Variants in DNM3 observed in about 807,000 individuals in gnomAD.
The protein encoded by DNM3 is dynamin-3.
A neutral mutation model predicts 101.6 loss-of-function variants in DNM3; 47 were observed. The ratio of observed to expected loss-of-function variants is 0.46; its 90% CI spans 0.37 to 0.59. The LOEUF is 0.59. Ranked by LOEUF, DNM3 falls within the 20% of genes least tolerant of loss-of-function variation. The pLI is 0.00. For missense variants in DNM3, 849 were observed against 1,085.7 expected (o/e 0.78, Z 3.06); for synonymous variants, 385 against 387.9 (o/e 0.99, Z 0.09).
chr1:172,185,972 T>C (rs1044710492), intron 14 of DNM3, among the ~76,000 whole-genome samples: 2 of 152,118 alleles, frequency 1.3e-5, no homozygotes, highest in African/African-American at 4.8e-5. Flanking sequence ...TTTTACATTG[T>C]TTTATAATTG....
intron 13 of DNM3, among the ~76,000 whole-genome samples, chr1:172,117,386 T>C (rs1447436326): frequency 6.6e-6 from 1 of 152,106 alleles, no homozygotes. Context: ...TTCCCACGTG[T>C]GGTGGGAGGG....
chr1:172,115,924 C>G lies in DNM3; in HGVS notation c.1546-15251C>G, dbSNP rs550304322. Among the ~76,000 whole-genome samples the G allele has an allele frequency of 9.9e-5, 15 of 152,210 alleles. No homozygotes were observed. The South Asian group carries it at 3.1e-3, about 32-fold the overall frequency. On this transcript the variant is annotated intron_variant, in intron 13 of 20. Transcript: ENST00000627582. ...CTATTGCTGAACTCTAACCACAACTCTACCCCAACTGGAGAATATAGGTTC... is the reference window on the plus strand; with the variant it reads ...CTATTGCTGAACTCTAACCACAACTGTACCCCAACTGGAGAATATAGGTTC...
chr1:172,375,901 A>T (rs2068573467), intron 17 of DNM3, among the ~76,000 whole-genome samples: 1 of 150,986 alleles, frequency 6.6e-6, no homozygotes, highest in East Asian at 2.0e-4. Flanking sequence ...GCTATATGGG[A>T]GGATCCCTTG....
At chr1:172,168,827 G>T (rs1033830177) in intron 14 of DNM3, among the ~76,000 whole-genome samples, 4 of 151,854 alleles carry the variant, frequency 2.6e-5, no homozygotes, top group East Asian at 1.9e-4. Flanking sequence ...TTAAAATTAG[G>T]CATAGATTAT....
intron 13 of DNM3, among the ~76,000 whole-genome samples, chr1:172,129,163 G>T (rs1366393413): frequency 1.3e-5 from 2 of 152,158 alleles, no homozygotes; most frequent in African/African-American, 2.4e-5. Flanking sequence ...GGTAGGGTGG[G>T]TAATGGTCTT....
intron 11 of DNM3, among the ~76,000 whole-genome samples, chr1:172,074,678 G>T (rs1009094285): frequency 1.3e-5 from 2 of 152,152 alleles, no homozygotes; most frequent in African/African-American, 4.8e-5. Flanking sequence ...AGTATTCCAT[G>T]GTGTATATGA....
At chr1:172,079,556 G>T (rs943179339) in intron 11 of DNM3, among the ~76,000 whole-genome samples, 1 of 151,972 alleles carries the variant, frequency 6.6e-6, no homozygotes, top group African/African-American at 2.4e-5. Flanking sequence ...CCTTGCATTG[G>T]GTTAGAACAT....
intron 20 of DNM3, 107 bp downstream of exon 20, chr1:172,388,916 C>T (rs889763290): frequency 2.5e-5 from 25 of 986,030 alleles, no homozygotes; most frequent in Middle Eastern, 2.6e-4. Flanking sequence ...TCTTATCGTA[C>T]GTGTTTGCAG....
At chr1:172,216,001 A>C (rs2060684179) in intron 14 of DNM3, among the ~76,000 whole-genome samples, 2 of 143,634 alleles carry the variant, frequency 1.4e-5, no homozygotes, top group Non-Finnish European at 3.0e-5. Flanking sequence ...ATAATAATAA[A>C]ATTAAAAAAA....
chr1:172,309,048 A>G, intron 16 of DNM3: 1 of 433,574 alleles, frequency 2.3e-6, no homozygotes, highest in Non-Finnish European at 4.0e-6. Flanking sequence ...TAAACAATAT[A>G]TTTGTTAAAG....
At chr1:172,332,710 A>C (rs1273005106) in intron 17 of DNM3, among the ~76,000 whole-genome samples, 1 of 152,178 alleles carries the variant, frequency 6.6e-6, no homozygotes, top group East Asian at 1.9e-4. Flanking sequence ...AGAATCACAC[A>C]CTGGCTATTA....
At chr1:172,137,057 C>T (rs2819531) in intron 14 of DNM3, 8,372 of 152,102 alleles carry the variant, frequency 0.055, 289 homozygotes, top group East Asian at 0.12. Context: ...GTCTGAAGGA[C>T]GGGTGTAGTC....
intron 2 of DNM3, among the ~76,000 whole-genome samples, chr1:171,936,331 A>G (rs1023985482): frequency 1.3e-5 from 2 of 149,642 alleles, no homozygotes; most frequent in Non-Finnish European, 3.0e-5. Context: ...AGCCTAGGTG[A>G]CAGAGTGAGA....
intron 14 of DNM3, among the ~76,000 whole-genome samples, chr1:172,205,639 T>A (rs890010062): frequency 3.9e-5 from 6 of 152,148 alleles, no homozygotes; most frequent in African/African-American, 1.4e-4. Context: ...CTTTAATGTC[T>A]GAATTAACAG....
In DNM3 at chr1:172,067,718, G is replaced by A. The variant is rs183307145; in HGVS notation, c.1336-1101G>A. Among the ~76,000 whole-genome samples the A allele has an allele frequency of 3.2e-3, 486 of 152,140 alleles. 1 individual carries two copies. Among genetic ancestry groups the A allele is most frequent in the Middle Eastern group, 0.01 (3 of 294 alleles). The stretch of plus-strand genomic sequence containing the variant: ...TTATATTGAAAACAACTGAATTAAG[G>A]TATTCACTTTTGCAAACTATGTTTT... On this transcript the variant is annotated intron_variant, in intron 10 of 20. Coordinates refer to ENST00000627582, the MANE Select transcript of DNM3 (RefSeq NM_015569.5).
intron 13 of DNM3, among the ~76,000 whole-genome samples, chr1:172,096,386 A>T (rs563903506): frequency 2.6e-5 from 4 of 152,320 alleles, no homozygotes; most frequent in African/African-American, 9.6e-5. Flanking sequence ...CAAGACTGGA[A>T]AAAGGAGATT....
At chr1:172,048,808 T>A in intron 10 of DNM3, 58 bp downstream of exon 10, 1 of 1,564,482 alleles carries the variant, frequency 6.4e-7, no homozygotes, top group Non-Finnish European at 8.7e-7. Context: ...ACATTCCCTA[T>A]CTCATTGCAT....
Position 172,388,620 on chromosome 1 carries a change from C to T in DNM3, c.2333C>T (p.Ala778Val), listed in dbSNP as rs1308077063. 6.2e-6 allele frequency: 10 copies of T among 1,613,936 alleles called. No homozygotes were observed. The highest frequency in any genetic ancestry group is 7.6e-6 in the Non-Finnish European group (9 of 1,179,904). The part of the protein sequence containing the change: ...PTTQRRPTLS[A>V]PLARPTSGRG... The stretch of plus-strand genomic sequence containing the variant: ...ACCCAAAGGAGGCCAACACTAAGTG[C>T]TCCCCTCGCAAGGCCCACATCCGGC... The change falls in exon 20 of 21, where the codon GCT becomes GTT. Residue 778 changes from alanine (A) to valine (V), a missense_variant. Ala to Val is a moderately conservative substitution (Grantham distance 64). Around this residue, in one of 5 missense-constraint regions of DNM3, gnomAD observed 256 missense variants for 311.7 expected, o/e 0.82. Coordinates refer to ENST00000627582, the MANE Select transcript of DNM3 (RefSeq NM_015569.5).
chr1:172,354,112 T>TGTGAGAGAGAGA (rs138540712), intron 17 of DNM3, among the ~76,000 whole-genome samples: 1,675 of 94,928 alleles, frequency 0.018, 36 homozygotes, highest in East Asian at 0.039. Flanking sequence ...TGTGTGTGTG[T>TGTGAGAGAGAGA]GAGAGAGAGA....
Sources: allele counts gnomAD v4.1 joint callset (sites outside exome capture counted in the v4.1 genomes callset), GRCh38; gene constraint gnomAD v4.1.1; regional missense constraint gnomAD v4.1.1; transcripts MANE v1.5; gene names NCBI Gene and HGNC (gene_info 2026-07-23, HGNC 2026-07-21).